Variants in FAAH observed in about 807,000 individuals in gnomAD.
The protein encoded by FAAH is fatty acid amide hydrolase.
Under a neutral mutation model 69.7 loss-of-function variants are expected in FAAH, and 63 were observed. That is an observed-to-expected ratio of 0.90 (90% CI 0.74 to 1.12). The LOEUF (loss-of-function observed/expected upper bound fraction) is 1.12. Ranked by LOEUF, FAAH falls within the 50% of genes most tolerant of loss-of-function variation. FAAH has a pLI of 0.00. For missense variants in FAAH, 680 were observed against 755.0 expected (o/e 0.90, Z 1.16); for synonymous variants, 305 against 324.2 (o/e 0.94, Z 0.64).
chr1:46,394,978 C>T (rs937844236), intron 1 of FAAH, among the ~76,000 whole-genome samples: 1 of 152,150 alleles, frequency 6.6e-6, no homozygotes, highest in African/African-American at 2.4e-5. Context: ...CTCGCTCTGA[C>T]TCCCAGGCAA....
intron 8 of FAAH, among the ~76,000 whole-genome samples, 198 bp from the exon 9 acceptor site, chr1:46,408,903 T>C (rs1330524193): frequency 6.6e-6 from 1 of 152,192 alleles, no homozygotes; most frequent in Non-Finnish European, 1.5e-5. Context: ...CACAACTTTA[T>C]GTGTGGCTCC....
Position 46,405,396 on chromosome 1 carries a change from A to C in FAAH, c.469A>C (p.Ser157Arg), listed in dbSNP as rs746348249. Reference sequence around the variant, plus strand: ...GGGCCAGGACTCCACGCTGGGCTTGAGCCTGAATGAAGGGGTGCCGGCGGA... The same window carrying C: ...GGGCCAGGACTCCACGCTGGGCTTGCGCCTGAATGAAGGGGTGCCGGCGGA... The part of the protein sequence containing the change: ...YKGQDSTLGL[S>R]LNEGVPAECD... Residue 157 changes from serine to arginine, a missense_variant, in exon 4 of 15, where the codon AGC (serine) becomes CGC (arginine). Ser to Arg is a moderately radical substitution (Grantham distance 110). Transcript: ENST00000243167. This position sits in a 1 kb window ranked among gnomAD's most constrained non-coding sequence, Gnocchi z 4.1. 6.2e-7 allele frequency: 1 copy of C among 1,612,124 alleles called. No homozygotes were observed. The highest frequency in any genetic ancestry group is 2.2e-5 in the East Asian group (1 of 44,898).
chr1:46,406,398 G>C, intron 7 of FAAH, 30 bp downstream of exon 7: 1 of 1,613,490 alleles, frequency 6.2e-7, no homozygotes, highest in South Asian at 1.1e-5. Context: ...CATGAATGTG[G>C]ACCGCTGAAC....
chr1:46,405,434 A>T lies in FAAH; in HGVS notation c.507A>T (p.Val169=). 6.3e-7 allele frequency: 1 copy of T among 1,593,388 alleles called. No homozygotes were observed. The highest frequency in any genetic ancestry group is 8.5e-7 in the Non-Finnish European group (1 of 1,171,186). The change falls in exon 4 of 15, where the codon GTA becomes GTT. Residue 169 remains valine (V), a synonymous_variant. Transcript: ENST00000243167. The surrounding 1 kb of genome is among the most constrained non-coding windows in gnomAD (Gnocchi z 4.1). ...NEGVPAECDS[V]VVHVLKLQGA... is the part of the protein sequence containing the mutation. ...GGGTGCCGGCGGAGTGCGACAGCGTAGTGGTGCATGTGCTGAAGCTGCAGG... is the reference window on the plus strand; with the variant it reads ...GGGTGCCGGCGGAGTGCGACAGCGTTGTGGTGCATGTGCTGAAGCTGCAGG...
At chr1:46,395,776 C>T (rs1350541134) in intron 1 of FAAH, among the ~76,000 whole-genome samples, 1 of 152,212 alleles carries the variant, frequency 6.6e-6, no homozygotes, top group East Asian at 1.9e-4. Context: ...GCCCGCTGCA[C>T]TCTGCAGCCA....
intron 1 of FAAH, among the ~76,000 whole-genome samples, chr1:46,396,528 T>C (rs1394034085): frequency 6.6e-6 from 1 of 152,204 alleles, no homozygotes; most frequent in Non-Finnish European, 1.5e-5. Flanking sequence ...ACCCAGGCTT[T>C]CTTGGGCAGA....
At chr1:46,402,286 C>G (rs140517634) in intron 2 of FAAH, 82 bp downstream of exon 2, 2 of 1,213,830 alleles carry the variant, frequency 1.6e-6, no homozygotes, top group African/African-American at 3.0e-5. Flanking sequence ...TCCCTCTGTC[C>G]GCACAGGCTG....
rs887241450 is a variant in FAAH, at chr1:46,405,201, C to T, written c.444+53C>T. ...CATCGTCCCCTCCATCCCTGCCAGC[C>T]TGCTCTGCATCTTGGGTCATTTTGG... On this transcript the variant is annotated intron_variant, in intron 3 of 14. Transcript: ENST00000243167. The surrounding 1 kb of genome is among the most constrained non-coding windows in gnomAD (Gnocchi z 4.1). 1 of 1,613,246 alleles carries T rather than the reference C, an allele frequency of 6.2e-7. No individual in the cohort carries two copies. The highest frequency in any genetic ancestry group is 8.5e-7 in the Non-Finnish European group (1 of 1,180,044).
rs1367566182 is a variant in FAAH at position 46,395,538 on chromosome 1, G to T, written c.195+995G>T. Among the ~76,000 whole-genome samples the T allele has an allele frequency of 1.3e-5, 2 of 152,220 alleles. 1 individual carries two copies. Among genetic ancestry groups the T allele is most frequent in the Non-Finnish European group, 2.9e-5 (2 of 68,032 alleles). ...TGGCTTGAAGAGGGGCTTTTCCTCT[G>T]GGTGTGTGAAACACTGACCCCAGTT... On this transcript the variant is annotated intron_variant, in intron 1 of 14. Coordinates refer to ENST00000243167, the MANE Select transcript of FAAH (RefSeq NM_001441.3).
At position 46,411,292 on chromosome 1, in the gene FAAH, A is replaced by C. The variant is rs1344802167; in HGVS notation, c.1317-320A>C. On this transcript the variant is annotated intron_variant, in intron 11 of 14. Transcript: ENST00000243167. The surrounding 1 kb of genome is among the most constrained non-coding windows in gnomAD (Gnocchi z 4.8). ...TCCCTGTTTCATGCCCTGACGTCCC[A>C]TGGACTCACTCCTTCCCTTACCACC... 6.6e-6 allele frequency among the ~76,000 whole-genome samples: 1 copy of C among 152,164 alleles called. No homozygotes were observed. The highest frequency in any genetic ancestry group is 1.9e-4 in the East Asian group (1 of 5,188).
rs756785076 is a variant in FAAH at position 46,410,404 on chromosome 1, T to A, written c.1182T>A (p.Gly394=). 4.3e-6 allele frequency: 7 copies of A among 1,613,926 alleles called. No individual in the cohort carries two copies. The South Asian group carries it at 7.7e-5, about 18-fold the overall frequency. The change falls in exon 10 of 15, where the codon GGT becomes GGA. Residue 394 remains glycine (G), a synonymous_variant. Coordinates refer to ENST00000243167, the MANE Select transcript of FAAH (RefSeq NM_001441.3). The surrounding 1 kb of genome is among the most constrained non-coding windows in gnomAD (Gnocchi z 4.9). ...GGHTFLQNFK[G]DFVDPCLGDL... ...CGAGCATTTTGTTTCCCAGCAAAGG[T>A]GATTTCGTGGACCCCTGCCTGGGGG...
chr1:46,397,440 G>C (rs1164918606), intron 1 of FAAH, among the ~76,000 whole-genome samples: 1 of 152,206 alleles, frequency 6.6e-6, no homozygotes, highest in African/African-American at 2.4e-5. Context: ...GGAGAAGCGG[G>C]AAATTACCTT....
Position 46,409,123 on chromosome 1 carries a change from AC to A in FAAH, c.1101del (p.Asn367LysfsTer42). 1 of 1,613,566 alleles carries A rather than the reference AC, an allele frequency of 6.2e-7. No homozygotes were observed. The highest frequency in any genetic ancestry group is 8.5e-7 in the Non-Finnish European group (1 of 1,179,616). The part of the protein sequence containing the change: ...GHTLVPFLPS[N>X]IPHALETLST... ...CAGCTGGTTCCCTTCTTGCCAAGCA[AC>A]ATACCCCATGCTCTGGAGACCCTGT... On this transcript the variant is annotated frameshift_variant, in exon 9 of 15. Coordinates refer to ENST00000243167, the MANE Select transcript of FAAH (RefSeq NM_001441.3). LOFTEE classifies it high-confidence loss of function.
intron 1 of FAAH, among the ~76,000 whole-genome samples, chr1:46,401,246 G>A (rs45496294): frequency 1.6e-4 from 24 of 151,878 alleles, no homozygotes; most frequent in Admixed American, 1.4e-3. Context: ...GAATCAGAGA[G>A]GGAAGAGAAG....
intron 7 of FAAH, among the ~76,000 whole-genome samples, chr1:46,407,073 GC>G (rs1286186552): frequency 1.3e-5 from 2 of 151,772 alleles, no homozygotes; most frequent in Non-Finnish European, 2.9e-5. Context: ...AGCTCATGTA[GC>G]CTGTTCCTGC....
At chr1:46,402,559 C>G (rs961314621) in intron 2 of FAAH, among the ~76,000 whole-genome samples, 1 of 152,174 alleles carries the variant, frequency 6.6e-6, no homozygotes, top group Non-Finnish European at 1.5e-5. Flanking sequence ...GTTGTTCAGG[C>G]TGGAGTGCAA....
At chr1:46,409,392 G>A (rs902963447) in intron 9 of FAAH, 194 bp downstream of exon 9, 3 of 617,638 alleles carry the variant, frequency 4.9e-6, no homozygotes, top group Admixed American at 2.2e-5. Context: ...GTGCCAGCCC[G>A]AGGGGAGGCT....
rs1387032360 is a variant in FAAH at position 46,410,290 on chromosome 1, G to A, written c.1176-108G>A. On this transcript the variant is annotated intron_variant, in intron 9 of 14. Coordinates refer to ENST00000243167, the MANE Select transcript of FAAH (RefSeq NM_001441.3). This position sits in a 1 kb window ranked among gnomAD's most constrained non-coding sequence, Gnocchi z 4.9. ...GGAGGGAGCTGAGTCTGGTGAGGAG[G>A]AGGTGGACAGGATCCCTGCATAGAG... 1 of 849,206 alleles carries A rather than the reference G, an allele frequency of 1.2e-6. No individual in the cohort carries two copies. Among genetic ancestry groups the A allele is most frequent in the Non-Finnish European group, 2.1e-6 (1 of 487,526 alleles). The allele number at this position is 849,206 out of a possible 1,614,324, so 52.6% of individuals were successfully genotyped here. A position where few individuals can be genotyped will look rare whatever the true frequency, so the allele number is the denominator to read the frequency against.
rs527478594 is a variant in FAAH, at chr1:46,406,555, CT to C, written c.951+200del. Among the ~76,000 whole-genome samples the C allele has an allele frequency of 8.4e-3, 1,137 of 135,934 alleles. 10 individuals are homozygous for C. The highest frequency in any genetic ancestry group is 0.038 in the Middle Eastern group (10 of 266). The allele number at this position is 135,934 out of a possible 152,430, so 89.2% of individuals were successfully genotyped here. On this transcript the variant is annotated intron_variant, in intron 7 of 14. Coordinates refer to ENST00000243167, the MANE Select transcript of FAAH (RefSeq NM_001441.3). Reference sequence around the variant, plus strand: ...TTGCCTGCATTTGGAAATCCTCAGGCTTTTTTTTTTTTTCCTTTTCTTTCTT... The same window carrying C: ...TTGCCTGCATTTGGAAATCCTCAGGCTTTTTTTTTTTTCCTTTTCTTTCTT...
Sources: gnomAD v4.1 joint callset for allele counts (sites outside exome capture counted in the v4.1 genomes callset) on GRCh38, gnomAD v4.1.1 for gene constraint, Gnocchi (gnomAD v3.1) non-coding constraint, MANE v1.5 for transcripts, NCBI Gene and HGNC (gene_info 2026-07-23, HGNC 2026-07-21) for gene names.